Variants in GPM6A observed in about 807,000 individuals in gnomAD.
GPM6A encodes the protein glycoprotein M6A.
In GPM6A, 7 loss-of-function variants were observed where a neutral mutation model predicts 32.1. That is an observed-to-expected ratio of 0.22 (90% CI 0.12 to 0.41). The LOEUF (loss-of-function observed/expected upper bound fraction) is 0.41. GPM6A is among the 10% of genes least tolerant of loss of function. The pLI, the probability that GPM6A is intolerant of heterozygous loss-of-function variation, is 1.00. For missense variants in GPM6A, 235 were observed against 347.2 expected, an observed-to-expected ratio of 0.68 and a Z score of 2.57; for synonymous variants, 130 against 123.4, an observed-to-expected ratio of 1.05 and a Z score of -0.35.
chr4:175,985,896 C>T (rs1187566693), intron 1 of GPM6A, among the ~76,000 whole-genome samples: 1 of 151,946 alleles, frequency 6.6e-6, no homozygotes, highest in Non-Finnish European at 1.5e-5. Flanking sequence ...ACATCCATCT[C>T]CCGGTTTTAA....
At chr4:175,934,335 T>C (rs1261752829) in intron 1 of GPM6A, among the ~76,000 whole-genome samples, 1 of 152,226 alleles carries the variant, frequency 6.6e-6, no homozygotes, top group Non-Finnish European at 1.5e-5. Context: ...AAAGGGATTA[T>C]AGCCATGAAT....
At chr4:175,989,912 G>A (rs994525157) in intron 1 of GPM6A, among the ~76,000 whole-genome samples, 3 of 152,012 alleles carry the variant, frequency 2.0e-5, no homozygotes, top group African/African-American at 4.8e-5. Context: ...AGCTTCCAAC[G>A]AAGGCCATGT....
chr4:175,929,182 A>G (rs148839807), intron 1 of GPM6A, among the ~76,000 whole-genome samples: 3 of 152,332 alleles, frequency 2.0e-5, no homozygotes, highest in African/African-American at 7.2e-5. Flanking sequence ...GCCCTATGAC[A>G]AGGAACAAAA....
rs1177507560 is a variant in GPM6A at position 175,701,667 on chromosome 4, G to A, written c.138C>T (p.Cys46=). ...CAGTTCCAGAAAGCGCTTCATGACC[G>A]CAGCCACAGAACAGGGCAACACCCG... The part of the protein sequence containing the change: ...LYAGVALFCG[C]GHEALSGTVN... The change falls in exon 2 of 7, where the codon TGC becomes TGT. Residue 46 remains cysteine, a synonymous_variant. Coordinates refer to ENST00000393658, the MANE Select transcript of GPM6A (RefSeq NM_201591.3). 12 of 1,613,752 alleles carry A rather than the reference G, an allele frequency of 7.4e-6. No homozygotes were observed. Among genetic ancestry groups the A allele is most frequent in the African/African-American group, 2.7e-5 (2 of 74,876 alleles).
At chr4:175,931,709 C>CACACATATATATATATATATATATATAT (rs1324269132) in intron 1 of GPM6A, among the ~76,000 whole-genome samples, 1 of 129,298 alleles carries the variant, frequency 7.7e-6, no homozygotes, top group African/African-American at 2.9e-5. Context: ...CACACACACA[C>CACACATATATATATATATATATATATAT]ATATATATAT....
At chr4:175,817,644 G>GA (rs1553992231) in intron 1 of GPM6A, among the ~76,000 whole-genome samples, 1 of 151,600 alleles carries the variant, frequency 6.6e-6, no homozygotes, top group Non-Finnish European at 1.5e-5. Context: ...AATTAGATGG[G>GA]AAAAAAGGGG....
chr4:175,923,269 T>C (rs1738728216), intron 1 of GPM6A, among the ~76,000 whole-genome samples: 3 of 147,630 alleles, frequency 2.0e-5, no homozygotes, highest in Admixed American at 6.8e-5. Context: ...AGTGAAAAGA[T>C]TAACAACTTG....
chr4:175,921,834 A>G (rs1738677758), intron 1 of GPM6A, among the ~76,000 whole-genome samples: 1 of 152,192 alleles, frequency 6.6e-6, no homozygotes, highest in South Asian at 2.1e-4. Context: ...AACAGCTAAC[A>G]AAAATGGCAA....
intron 1 of GPM6A, among the ~76,000 whole-genome samples, chr4:175,706,477 C>A (rs1745197097): frequency 6.6e-6 from 1 of 152,170 alleles, no homozygotes; most frequent in South Asian, 2.1e-4. Context: ...AAGTGATTGA[C>A]AGGAGAGGTT....
chr4:176,002,028 G>A (rs571268554), intron 1 of GPM6A, among the ~76,000 whole-genome samples: 1 of 152,266 alleles, frequency 6.6e-6, no homozygotes, highest in South Asian at 2.1e-4. Context: ...TGGGGCCGGC[G>A]CAGAGGATCA....
intron 1 of GPM6A, among the ~76,000 whole-genome samples, chr4:175,998,622 T>C (rs1194956346): frequency 6.6e-6 from 1 of 152,222 alleles, no homozygotes; most frequent in Non-Finnish European, 1.5e-5. Flanking sequence ...ATTCATTCTC[T>C]TATTGCTCCA....
chr4:175,938,427 T>A (rs573054866), intron 1 of GPM6A, among the ~76,000 whole-genome samples: 1 of 152,204 alleles, frequency 6.6e-6, no homozygotes, highest in Admixed American at 6.5e-5. Flanking sequence ...GTTTCCTGAC[T>A]TTTTAATGAT....
chr4:175,882,730 A>T (rs1350690817), intron 1 of GPM6A, among the ~76,000 whole-genome samples: 2 of 152,104 alleles, frequency 1.3e-5, no homozygotes, highest in Non-Finnish European at 2.9e-5. Context: ...AAGAATTTAC[A>T]GGTGGTAAGA....
intron 3 of GPM6A, among the ~76,000 whole-genome samples, chr4:175,663,984 G>T (rs1190157777): frequency 6.6e-6 from 1 of 152,200 alleles, no homozygotes; most frequent in South Asian, 2.1e-4. Context: ...GAGCCACCGT[G>T]CCCAGCCAAA....
intron 1 of GPM6A, among the ~76,000 whole-genome samples, chr4:175,919,919 A>G (rs934992728): frequency 6.6e-6 from 1 of 152,198 alleles, no homozygotes; most frequent in Non-Finnish European, 1.5e-5. Context: ...ATCTATGTGA[A>G]AGATGGTTCA....
intron 1 of GPM6A, among the ~76,000 whole-genome samples, chr4:175,734,747 C>T (rs1347080959): frequency 1.3e-5 from 2 of 152,022 alleles, no homozygotes; most frequent in African/African-American, 4.8e-5. Context: ...GTGGCAGATG[C>T]CTGTAATCCC....
At chr4:175,882,417 T>C (rs1383519138) in intron 1 of GPM6A, among the ~76,000 whole-genome samples, 1 of 152,000 alleles carries the variant, frequency 6.6e-6, no homozygotes, top group Non-Finnish European at 1.5e-5. Context: ...TATTAAATTA[T>C]AATACCTTAT....
chr4:175,748,948 G>A (rs1043880977), intron 1 of GPM6A, among the ~76,000 whole-genome samples: 19 of 152,092 alleles, frequency 1.2e-4, no homozygotes, highest in Admixed American at 4.6e-4. Context: ...TATGGAAATA[G>A]CTTCTTTTCT....
At chr4:175,854,125 A>G (rs1736346111) in intron 1 of GPM6A, among the ~76,000 whole-genome samples, 1 of 152,228 alleles carries the variant, frequency 6.6e-6, no homozygotes, top group African/African-American at 2.4e-5. Context: ...CACTTTGGAA[A>G]TAAATATGTG....
Sources: allele counts gnomAD v4.1 joint callset (sites outside exome capture counted in the v4.1 genomes callset), GRCh38; gene constraint gnomAD v4.1.1; transcripts MANE v1.5; gene names NCBI Gene and HGNC (gene_info 2026-07-23, HGNC 2026-07-21).